The following RAB39A variants were observed in gnomAD, a reference collection of about 807,000 sequenced individuals.
RAB39A encodes ras-related protein Rab-39A.
RAB39A carries 17 observed loss-of-function variants against 20.9 expected under a neutral mutation model. The ratio of observed to expected loss-of-function variants is 0.81; its 90% CI spans 0.56 to 1.22. RAB39A has a LOEUF of 1.22. RAB39A is among the 50% of genes most tolerant of loss of function. The pLI is 0.00. For synonymous variants in RAB39A, 99 were observed against 103.4 expected (o/e 0.96, Z 0.26); for missense variants, 234 against 270.5 (o/e 0.87, Z 0.95).
chr11:107,929,485 G>GGTGTGTGT (rs10687737), intron 1 of RAB39A, among the ~76,000 whole-genome samples: 1 of 149,600 alleles, frequency 6.7e-6, no homozygotes, highest in African/African-American at 2.4e-5. Context: ...CACAGCTGAG[G>GGTGTGTGT]GTGTGTGTGT....
chr11:107,943,096 T>C (rs956957648), intron 1 of RAB39A, among the ~76,000 whole-genome samples: 7 of 152,220 alleles, frequency 4.6e-5, no homozygotes, highest in African/African-American at 9.6e-5. Context: ...AGTAATGAAC[T>C]TTAACACTGA....
intron 1 of RAB39A, among the ~76,000 whole-genome samples, chr11:107,944,273 A>T (rs1044195354): frequency 3.9e-5 from 6 of 152,132 alleles, no homozygotes; most frequent in Non-Finnish European, 7.4e-5. Flanking sequence ...CAGACTGCAC[A>T]CGATCCTTCT....
chr11:107,946,754 G>A (rs922560596), intron 1 of RAB39A, among the ~76,000 whole-genome samples: 35 of 150,896 alleles, frequency 2.3e-4, no homozygotes, highest in Non-Finnish European at 1.9e-4. Context: ...GATTACAGGC[G>A]TGAGCCACCG....
chr11:107,963,025 G>A lies in RAB39A; in HGVS notation c.*653G>A, dbSNP rs1415314207. ...AGCAAACTACTTTAAGCAAATATTT[G>A]TAAAATTAAAAACGGAGGACCGCTC... is the stretch of plus-strand genomic sequence containing the variant. On this transcript the variant is annotated 3_prime_UTR_variant, in exon 2 of 2. Coordinates refer to ENST00000320578, the MANE Select transcript of RAB39A (RefSeq NM_017516.3). 2 of 151,502 alleles carry A rather than the reference G, an allele frequency of 1.3e-5. No individual in the cohort carries two copies. The highest frequency in any genetic ancestry group is 2.9e-5 in the Non-Finnish European group (2 of 67,954). The allele number at this position is 151,502 out of a possible 1,614,324, so 9.4% of individuals were successfully genotyped here. A position where few individuals can be genotyped will look rare whatever the true frequency, so the allele number is the denominator to read the frequency against.
intron 1 of RAB39A, among the ~76,000 whole-genome samples, chr11:107,938,559 G>A (rs1270257714): frequency 2.0e-4 from 13 of 66,624 alleles, no homozygotes; most frequent in African/African-American, 5.5e-4. Context: ...GTGAGACCTC[G>A]TCTATAAAAA....
At chr11:107,953,262 T>C (rs1279497985) in intron 1 of RAB39A, among the ~76,000 whole-genome samples, 1 of 152,208 alleles carries the variant, frequency 6.6e-6, no homozygotes, top group East Asian at 1.9e-4. Flanking sequence ...TGAGCTTGTT[T>C]TGTACCATTT....
intron 1 of RAB39A, among the ~76,000 whole-genome samples, chr11:107,931,240 G>C (rs1861134414): frequency 6.6e-6 from 1 of 152,216 alleles, no homozygotes; most frequent in African/African-American, 2.4e-5. Flanking sequence ...GCCTCCCAAA[G>C]TGCTGAGATT....
rs761492344 is a variant in RAB39A, at chr11:107,962,389, G to C, written c.*17G>C. The C allele has an allele frequency of 1.3e-6, 2 of 1,570,158 alleles. No individual in the cohort carries two copies. The highest frequency in any genetic ancestry group is 1.7e-6 in the Non-Finnish European group (2 of 1,154,412). ...TTCTGCTGACTTCAAACATGCTGAA[G>C]AACTAACAGGAACAGATTGGGTGTC... On this transcript the variant is annotated 3_prime_UTR_variant, in exon 2 of 2. Transcript: ENST00000320578.
intron 1 of RAB39A, among the ~76,000 whole-genome samples, chr11:107,933,313 ATGTGTGTGTGTGTGTGTGTGTGTG>A (rs60670768): frequency 2.7e-4 from 34 of 125,344 alleles, no homozygotes; most frequent in Admixed American, 1.8e-4. Flanking sequence ...ATATATATAT[ATGTGTGTGTGTGTGTGTGTGTGTG>A]TGTGTGTGTG....
chr11:107,944,480 C>T (rs1861290028), intron 1 of RAB39A, among the ~76,000 whole-genome samples: 2 of 152,040 alleles, frequency 1.3e-5, no homozygotes, highest in South Asian at 4.2e-4. Context: ...AAGGCAACCT[C>T]CACCTCCCAG....
intron 1 of RAB39A, among the ~76,000 whole-genome samples, chr11:107,961,200 A>G (rs926492265): frequency 2.0e-5 from 3 of 152,178 alleles, no homozygotes; most frequent in East Asian, 3.8e-4. Flanking sequence ...AGTTCTCACA[A>G]TTTTGGAAGC....
intron 1 of RAB39A, among the ~76,000 whole-genome samples, chr11:107,936,727 G>A (rs1861197318): frequency 6.6e-6 from 1 of 152,048 alleles, no homozygotes; most frequent in South Asian, 2.1e-4. Flanking sequence ...ATTGGTACCA[G>A]TCTGGCAAAC....
At chr11:107,949,378 A>G (rs557171764) in intron 1 of RAB39A, among the ~76,000 whole-genome samples, 1 of 152,334 alleles carries the variant, frequency 6.6e-6, no homozygotes, top group South Asian at 2.1e-4. Flanking sequence ...GAATAATTTC[A>G]GAAATAAAAT....
intron 1 of RAB39A, among the ~76,000 whole-genome samples, chr11:107,952,222 G>T (rs1220527487): frequency 6.6e-6 from 1 of 152,200 alleles, no homozygotes; most frequent in Non-Finnish European, 1.5e-5. Flanking sequence ...TTATTCCATT[G>T]AGTAGAAGGA....
At chr11:107,940,898 G>A (rs1441272795) in intron 1 of RAB39A, among the ~76,000 whole-genome samples, 5 of 151,894 alleles carry the variant, frequency 3.3e-5, no homozygotes, top group African/African-American at 9.7e-5. Flanking sequence ...ACTTGAACCC[G>A]GGAGACAGAG....
At position 107,962,341 on chromosome 11, in the gene RAB39A, C is replaced by G. The variant is rs771379423; in HGVS notation, c.623C>G (p.Ala208Gly). 1 of 1,608,062 alleles carries G rather than the reference C, an allele frequency of 6.2e-7. No individual in the cohort carries two copies. ...VPNTVHSSEEAVKPRKECFC is the reference protein window; with the variant it reads ...VPNTVHSSEEGVKPRKECFC ...AATACTGTGCATTCTTCTGAGGAAG[C>G]AGTAAAGCCCAGGAAAGAATGCTTC... is the stretch of plus-strand genomic sequence containing the variant. The change falls in exon 2 of 2, where the codon GCA becomes GGA. Residue 208 changes from alanine (A) to glycine (G), a missense_variant. Ala to Gly is a moderately conservative substitution (Grantham distance 60). Coordinates refer to ENST00000320578, the MANE Select transcript of RAB39A (RefSeq NM_017516.3).
At chr11:107,953,409 G>A (rs934872988) in intron 1 of RAB39A, among the ~76,000 whole-genome samples, 3 of 152,162 alleles carry the variant, frequency 2.0e-5, no homozygotes, top group Non-Finnish European at 4.4e-5. Flanking sequence ...GGAAAGTGGA[G>A]GCCAGGCTTG....
chr11:107,949,536 T>A (rs1335981775), intron 1 of RAB39A, among the ~76,000 whole-genome samples: 2 of 152,016 alleles, frequency 1.3e-5, no homozygotes, highest in Non-Finnish European at 1.5e-5. Context: ...CAAGAAAACA[T>A]GTCCTTTCAT....
chr11:107,958,590 G>C (rs1861462066), intron 1 of RAB39A, among the ~76,000 whole-genome samples: 2 of 152,196 alleles, frequency 1.3e-5, no homozygotes, highest in African/African-American at 2.4e-5. Context: ...CCCACACACA[G>C]AAGCTAGAAA....
Sources: allele counts gnomAD v4.1 joint callset (sites outside exome capture counted in the v4.1 genomes callset), GRCh38; gene constraint gnomAD v4.1.1; transcripts MANE v1.5; gene names NCBI Gene and HGNC (gene_info 2026-07-23, HGNC 2026-07-21).